The following AP3B1 variants were observed in gnomAD, a reference collection of about 807,000 sequenced individuals.
AP3B1 encodes AP-3 complex subunit beta-1.
Under a neutral mutation model 132.5 loss-of-function variants are expected in AP3B1, and 61 were observed. The observed-to-expected ratio is 0.46, with a 90% CI of 0.37 to 0.57. AP3B1 has a LOEUF of 0.57. Among genes scored for constraint, AP3B1 ranks in the 20% least tolerant of loss-of-function variants. The pLI, the probability that AP3B1 is intolerant of heterozygous loss-of-function variation, is 0.00. For synonymous variants in AP3B1, 388 were observed against 438.3 expected (o/e 0.89, Z 1.43); for missense variants, 1,120 against 1,289.4 (o/e 0.87, Z 2.01).
rs1280964963 is a variant in AP3B1 at position 78,128,180 on chromosome 5, A to G, written c.1838-20T>C. 6.4e-7 allele frequency: 1 copy of G among 1,568,132 alleles called. No homozygotes were observed. Among genetic ancestry groups the G allele is most frequent in the Admixed American group, 1.7e-5 (1 of 59,300 alleles). On this transcript the variant is annotated intron_variant, in intron 16 of 26. Coordinates refer to ENST00000255194, the MANE Select transcript of AP3B1 (RefSeq NM_003664.5). The stretch of plus-strand genomic sequence containing the variant: ...CTCTATCTATTAAAAATAGGGAAAA[A>G]TATAAAATAAACAATATGAGCTGTA...
At chr5:78,088,214 A>G (rs1206045369) in intron 22 of AP3B1, among the ~76,000 whole-genome samples, 1 of 152,194 alleles carries the variant, frequency 6.6e-6, no homozygotes, top group East Asian at 1.9e-4. Context: ...TATTACCTGA[A>G]TAAATAAAAG....
intron 26 of AP3B1, 114 bp from the exon 27 acceptor site, chr5:78,003,169 C>T: frequency 1.6e-6 from 2 of 1,281,454 alleles, no homozygotes; most frequent in South Asian, 1.4e-5. Flanking sequence ...TAATTTGCTG[C>T]AGGCTCCCTA....
At chr5:78,269,963 G>T (rs776000369) in intron 1 of AP3B1, among the ~76,000 whole-genome samples, 7 of 152,012 alleles carry the variant, frequency 4.6e-5, no homozygotes, top group Non-Finnish European at 1.0e-4. Context: ...ACCCAGGCTG[G>T]AATGCAGTAG....
chr5:78,040,892 C>A (rs1316560569), intron 22 of AP3B1, among the ~76,000 whole-genome samples: 1 of 152,166 alleles, frequency 6.6e-6, no homozygotes, highest in Admixed American at 6.5e-5. Flanking sequence ...ATCATATATA[C>A]AAAATGCTAC....
At chr5:78,026,580 C>A (rs989589922) in intron 24 of AP3B1, among the ~76,000 whole-genome samples, 1 of 152,212 alleles carries the variant, frequency 6.6e-6, no homozygotes, top group African/African-American at 2.4e-5. Flanking sequence ...TATTCCCCCA[C>A]AGATTATCAT....
chr5:78,260,566 C>A (rs1275358117), intron 2 of AP3B1, among the ~76,000 whole-genome samples: 1 of 151,792 alleles, frequency 6.6e-6, no homozygotes, highest in Non-Finnish European at 1.5e-5. Flanking sequence ...TGCACTCCAG[C>A]CTGGGCCACG....
intron 22 of AP3B1, among the ~76,000 whole-genome samples, chr5:78,057,148 G>A (rs990651422): frequency 2.0e-5 from 3 of 152,160 alleles, no homozygotes; most frequent in African/African-American, 7.2e-5. Context: ...AAGTCATTCC[G>A]AGATTTCCCA....
intron 1 of AP3B1, among the ~76,000 whole-genome samples, chr5:78,283,645 C>T (rs1749151475): frequency 6.6e-6 from 1 of 152,172 alleles, no homozygotes. Context: ...CCTTATCTAT[C>T]TATCTAACTG....
chr5:78,018,087 G>A (rs1025018414), intron 25 of AP3B1, among the ~76,000 whole-genome samples: 4 of 151,826 alleles, frequency 2.6e-5, no homozygotes, highest in African/African-American at 4.8e-5. Flanking sequence ...CTCGGAACAC[G>A]TACTCTTGAA....
chr5:78,258,883 C>A (rs1747958545), intron 2 of AP3B1, among the ~76,000 whole-genome samples: 1 of 152,116 alleles, frequency 6.6e-6, no homozygotes. Flanking sequence ...GGGATCCAGT[C>A]ATTTGCAACA....
intron 7 of AP3B1, among the ~76,000 whole-genome samples, chr5:78,214,964 G>A (rs1745896770): frequency 6.6e-6 from 1 of 152,050 alleles, no homozygotes; most frequent in Non-Finnish European, 1.5e-5. Context: ...TTACTGTCTT[G>A]TGGATAAAGA....
chr5:78,139,999 T>C (rs1005838677), intron 15 of AP3B1, among the ~76,000 whole-genome samples: 2 of 151,806 alleles, frequency 1.3e-5, no homozygotes, highest in Non-Finnish European at 2.9e-5. Flanking sequence ...AAGTGAAAAT[T>C]AGAGAAAAAT....
chr5:78,010,742 C>T (rs967691460), intron 26 of AP3B1, among the ~76,000 whole-genome samples: 1 of 152,110 alleles, frequency 6.6e-6, no homozygotes. Context: ...TGCCCTTTCA[C>T]CTTTGCAGTC....
chr5:78,046,836 A>G (rs1748355264), intron 22 of AP3B1, among the ~76,000 whole-genome samples: 1 of 152,022 alleles, frequency 6.6e-6, no homozygotes, highest in African/African-American at 2.4e-5. Context: ...TATTTCTCCT[A>G]ATGCTAGCCC....
intron 7 of AP3B1, among the ~76,000 whole-genome samples, chr5:78,201,884 CCT>C (rs1026236998): frequency 6.6e-6 from 1 of 152,016 alleles, no homozygotes; most frequent in Non-Finnish European, 1.5e-5. Flanking sequence ...GGTAACTATC[CCT>C]CTCTCTACAC....
chr5:78,243,738 G>A (rs764716832), intron 2 of AP3B1, among the ~76,000 whole-genome samples: 1 of 152,178 alleles, frequency 6.6e-6, no homozygotes, highest in African/African-American at 2.4e-5. Context: ...GGAAACAATG[G>A]TTTAGGCATG....
At chr5:78,145,955 C>A (rs1753372567) in intron 14 of AP3B1, among the ~76,000 whole-genome samples, 1 of 152,090 alleles carries the variant, frequency 6.6e-6, no homozygotes, top group Non-Finnish European at 1.5e-5. Flanking sequence ...CAATATTGAC[C>A]CATTGTCCTT....
At chr5:78,069,575 C>T (rs955231095) in intron 22 of AP3B1, among the ~76,000 whole-genome samples, 13 of 152,102 alleles carry the variant, frequency 8.5e-5, no homozygotes, top group Admixed American at 3.3e-4. Flanking sequence ...AGGAGAACTA[C>T]AAACCACTGC....
At chr5:78,117,876 G>A (rs1751929421) in intron 17 of AP3B1, among the ~76,000 whole-genome samples, 1 of 152,128 alleles carries the variant, frequency 6.6e-6, no homozygotes, top group African/African-American at 2.4e-5. Context: ...TTAAAAAGCA[G>A]GGAAATGTAT....
Sources: allele counts gnomAD v4.1 joint callset (sites outside exome capture counted in the v4.1 genomes callset), GRCh38; gene constraint gnomAD v4.1.1; transcripts MANE v1.5; gene names NCBI Gene and HGNC (gene_info 2026-07-23, HGNC 2026-07-21).